STARD13: variants seen among roughly 807,000 people sequenced by gnomAD.
STARD13 encodes the protein stAR-related lipid transfer protein 13.
A neutral mutation model predicts 106.4 loss-of-function variants in STARD13; 62 were observed. The ratio of observed to expected loss-of-function variants is 0.58; its 90% CI spans 0.48 to 0.72. The LOEUF (loss-of-function observed/expected upper bound fraction) is 0.72, where lower values mean the gene tolerates loss of function less well. Among genes scored for constraint, STARD13 ranks in the 30% least tolerant of loss-of-function variants. STARD13 has a pLI of 0.00. For missense variants in STARD13, 1,387 were observed against 1,424.0 expected, an observed-to-expected ratio of 0.97 and a Z score of 0.42; for synonymous variants, 565 against 553.0, an observed-to-expected ratio of 1.02 and a Z score of -0.31.
In STARD13 at chr13:33,118,247, T is replaced by G; in HGVS notation, c.2099A>C (p.Lys700Thr). Residue 700 changes from lysine to threonine, a missense_variant, in exon 8 of 14, where the codon AAA becomes ACA. By Grantham distance (78) the Lys-to-Thr change is moderately conservative (BLOSUM62 -1). Coordinates refer to ENST00000336934, the MANE Select transcript of STARD13 (RefSeq NM_178006.4). ...NCLDQVGLFR[K>T]SGVKSRIHAL... is the part of the protein sequence containing the mutation. ...ATGGATTCGAGACTTCACTCCTGAT[T>G]TGCGAAAAAGACCCACCTGAAACAA... 1.2e-6 allele frequency: 2 copies of G among 1,614,178 alleles called. No homozygotes were observed. Among genetic ancestry groups the G allele is most frequent in the South Asian group, 2.2e-5 (2 of 91,080 alleles).
intron 4 of STARD13, among the ~76,000 whole-genome samples, chr13:33,137,284 T>C (rs1879181302): frequency 6.6e-6 from 1 of 152,198 alleles, no homozygotes; most frequent in Non-Finnish European, 1.5e-5. Flanking sequence ...TCTGCAAGTG[T>C]TTTCTGTATA....
chr13:33,186,596 G>A (rs1030907390), intron 1 of STARD13, among the ~76,000 whole-genome samples: 30 of 152,076 alleles, frequency 2.0e-4, no homozygotes, highest in Admixed American at 6.6e-5. Flanking sequence ...ACTAAGGTTC[G>A]TGATCTCTTT....
intron 1 of STARD13, among the ~76,000 whole-genome samples, chr13:33,260,077 G>T (rs73458262): frequency 0.072 from 10,982 of 151,748 alleles, 695 homozygotes; most frequent in African/African-American, 0.17. Context: ...AGGTGGGAAG[G>T]ATTAGTCTAA....
At chr13:33,267,957 TA>T (rs1890979518) in intron 1 of STARD13, among the ~76,000 whole-genome samples, 2 of 152,184 alleles carry the variant, frequency 1.3e-5, no homozygotes. Context: ...CATGTATTAT[TA>T]GTTTCCAGTT....
intron 1 of STARD13, among the ~76,000 whole-genome samples, chr13:33,335,723 C>T (rs180842872): frequency 2.6e-5 from 4 of 152,380 alleles, no homozygotes; most frequent in East Asian, 1.9e-4. Flanking sequence ...CAGCTACATT[C>T]GCCAAGCCTC....
upstream of STARD13, among the ~76,000 whole-genome samples, chr13:33,288,295 G>A (rs1892151536): frequency 6.6e-6 from 1 of 151,818 alleles, no homozygotes; most frequent in African/African-American, 2.4e-5. Context: ...TTTTAAGATG[G>A]TGCCTCACTC....
the STARD13 span, among the ~76,000 whole-genome samples, chr13:33,637,338 A>G: frequency 6.6e-6 from 1 of 152,168 alleles, no homozygotes; most frequent in Non-Finnish European, 1.5e-5. Context: ...CCACCACATT[A>G]CAGGAAACAA....
intron 1 of STARD13, among the ~76,000 whole-genome samples, chr13:33,185,498 A>G (rs189501968): frequency 6.3e-4 from 96 of 152,282 alleles, no homozygotes; most frequent in Non-Finnish European, 2.9e-5. Flanking sequence ...CCAAAGAAAA[A>G]TCCAAATTTC....
At chr13:33,573,713 A>C in the STARD13 span, among the ~76,000 whole-genome samples, 7 of 152,190 alleles carry the variant, frequency 4.6e-5, no homozygotes, top group Admixed American at 4.6e-4. Flanking sequence ...ATCATCTCAT[A>C]ATAATGTTAA....
chr13:33,300,343 GAGAT>G (rs1303276874), intron 1 of STARD13, among the ~76,000 whole-genome samples: 1 of 152,210 alleles, frequency 6.6e-6, no homozygotes, highest in Admixed American at 6.5e-5. Flanking sequence ...TCAAAGTATA[GAGAT>G]AGAATAGGCC....
chr13:33,588,951 A>G, the STARD13 span, among the ~76,000 whole-genome samples: 1 of 152,332 alleles, frequency 6.6e-6, no homozygotes, highest in Middle Eastern at 3.4e-3. Flanking sequence ...AGTCTAGTGT[A>G]AGAGACAGAC....
chr13:33,323,519 T>C (rs753428049), intron 1 of STARD13, among the ~76,000 whole-genome samples: 4 of 152,062 alleles, frequency 2.6e-5, no homozygotes, highest in Non-Finnish European at 5.9e-5. Context: ...TTTATGAGAG[T>C]TGTTTTTCAG....
At chr13:33,122,262 G>A (rs1186311266) in intron 7 of STARD13, among the ~76,000 whole-genome samples, 2 of 152,214 alleles carry the variant, frequency 1.3e-5, no homozygotes, top group African/African-American at 4.8e-5. Context: ...GATTTTAAGT[G>A]TGAGCCACCA....
chr13:33,503,656 G>T, the STARD13 span, among the ~76,000 whole-genome samples: 3 of 152,148 alleles, frequency 2.0e-5, no homozygotes, highest in Non-Finnish European at 4.4e-5. Context: ...AGTCATTCAG[G>T]AGCAGGTTGT....
chr13:33,578,048 A>G, the STARD13 span, among the ~76,000 whole-genome samples: 1 of 152,164 alleles, frequency 6.6e-6, no homozygotes, highest in Non-Finnish European at 1.5e-5. Flanking sequence ...GGATTGGAAG[A>G]ATCAATATCA....
chr13:33,657,116 A>G, the STARD13 span, among the ~76,000 whole-genome samples: 2 of 152,136 alleles, frequency 1.3e-5, no homozygotes, highest in Non-Finnish European at 2.9e-5. Context: ...AAAAAATACA[A>G]AAAATTAGCT....
chr13:33,660,877 C>A, the STARD13 span, among the ~76,000 whole-genome samples: 2 of 152,150 alleles, frequency 1.3e-5, no homozygotes, highest in Admixed American at 1.3e-4. Context: ...AACCACTGTG[C>A]CTGGCCTGTG....
intron 12 of STARD13, among the ~76,000 whole-genome samples, chr13:33,108,232 A>T (rs1468208862): frequency 6.6e-6 from 1 of 152,206 alleles, no homozygotes; most frequent in African/African-American, 2.4e-5. Flanking sequence ...AGACTGTAAG[A>T]TGCTCTGAAG....
chr13:33,232,067 C>A (rs943477200), intron 1 of STARD13, among the ~76,000 whole-genome samples: 1 of 152,178 alleles, frequency 6.6e-6, no homozygotes, highest in Non-Finnish European at 1.5e-5. Context: ...AATCCAAGCA[C>A]TTTGGGAGGC....
Sources: gnomAD v4.1 joint callset for allele counts (sites outside exome capture counted in the v4.1 genomes callset) on GRCh38, gnomAD v4.1.1 for gene constraint, MANE v1.5 for transcripts, NCBI Gene and HGNC (gene_info 2026-07-23, HGNC 2026-07-21) for gene names.